POLR3G: variants seen among roughly 807,000 people sequenced by gnomAD.
POLR3G encodes RNA polymerase III subunit G.
POLR3G carries 28 observed loss-of-function variants against 30.1 expected under a neutral mutation model. The observed-to-expected ratio is 0.93, with a 90% CI of 0.69 to 1.27. POLR3G has a LOEUF of 1.27. Among genes scored for constraint, POLR3G ranks in the 50% most tolerant of loss-of-function variants. The probability of loss-of-function intolerance (pLI) is 0.00; values close to 1 mark genes in which losing one functional copy is unlikely to be tolerated. For synonymous variants in POLR3G, 79 were observed against 82.5 expected, an observed-to-expected ratio of 0.96 and a Z score of 0.23; for missense variants, 254 against 264.6, an observed-to-expected ratio of 0.96 and a Z score of 0.28.
chr5:90,484,587 A>T (rs1008898254), intron 1 of POLR3G, among the ~76,000 whole-genome samples: 121 of 152,318 alleles, frequency 7.9e-4, no homozygotes, highest in African/African-American at 2.9e-3. Context: ...TGAAGAGTAG[A>T]GCAGCTGTGT....
At chr5:90,492,448 G>T (rs984928009) in intron 3 of POLR3G, among the ~76,000 whole-genome samples, 7 of 152,178 alleles carry the variant, frequency 4.6e-5, no homozygotes, top group Admixed American at 4.6e-4. Flanking sequence ...AGACAACAAT[G>T]ATTGAAAGGA....
intron 5 of POLR3G, among the ~76,000 whole-genome samples, chr5:90,499,795 TTTTTA>T (rs1409574169): frequency 2.0e-5 from 3 of 152,204 alleles, no homozygotes; most frequent in African/African-American, 7.2e-5. Context: ...AGGCAGAGTA[TTTTTA>T]TTTTATTTTA....
At chr5:90,502,177 C>T in intron 6 of POLR3G, 189 bp downstream of exon 6, 1 of 985,324 alleles carries the variant, frequency 1.0e-6, no homozygotes, top group South Asian at 4.7e-5. Context: ...AGGGTCTGTC[C>T]TGTCCTTCGT....
intron 5 of POLR3G, among the ~76,000 whole-genome samples, chr5:90,497,984 C>T (rs1484185779): frequency 6.6e-6 from 1 of 152,086 alleles, no homozygotes; most frequent in African/African-American, 2.4e-5. Flanking sequence ...GTGGCATGCA[C>T]CTGTAGTCCC....
chr5:90,506,592 AAG>A lies in POLR3G; in HGVS notation c.507_508del (p.Ser171Ter). 6.2e-7 allele frequency: 1 copy of A among 1,613,824 alleles called. No homozygotes were observed. Among genetic ancestry groups the A allele is most frequent in the Non-Finnish European group, 8.5e-7 (1 of 1,179,862 alleles). Reference sequence around the variant, plus strand: ...GAAAATGAAGAGAAAGAAGGAAGCAAAGAGAAAAGTAAAGAAGGTGATGATGA... The same window carrying A: ...GAAAATGAAGAGAAAGAAGGAAGCAAAGAAAAGTAAAGAAGGTGATGATGA... On this transcript the variant is annotated frameshift_variant, in exon 7 of 8. Coordinates refer to ENST00000651687, the MANE Select transcript of POLR3G (RefSeq NM_006467.3). LOFTEE classifies it high-confidence loss of function.
At chr5:90,473,930 G>C (rs1580184921), upstream of POLR3G, 1 of 1,605,236 alleles carries the variant, frequency 6.2e-7, no homozygotes, top group South Asian at 1.1e-5. Flanking sequence ...CCTCGCTATC[G>C]GAAAGCCAGG....
chr5:90,512,010 C>A, intron 7 of POLR3G, 43 bp from the exon 8 acceptor site: 1 of 1,267,246 alleles, frequency 7.9e-7, no homozygotes. Flanking sequence ...TCTTACTACT[C>A]ATTCATTTTA....
rs2151918192 is a variant in POLR3G at position 90,513,459 on chromosome 5, T to C, written c.*1320T>C. On this transcript the variant is annotated 3_prime_UTR_variant, in exon 8 of 8. Transcript: ENST00000651687. Reference sequence around the variant, plus strand: ...TTCATTCTCTTGCCTTAAAGATCACTTCTTAACTTACATTTGGCTCTCACC... The same window carrying C: ...TTCATTCTCTTGCCTTAAAGATCACCTCTTAACTTACATTTGGCTCTCACC... 1 of 152,762 alleles carries C rather than the reference T, an allele frequency of 6.5e-6. No individual in the cohort carries two copies. The highest frequency in any genetic ancestry group is 2.1e-4 in the South Asian group (1 of 4,828). The allele number at this position is 152,762 out of a possible 1,614,324, so 9.5% of individuals were successfully genotyped here.
chr5:90,483,804 G>T (rs1020265695), intron 1 of POLR3G, among the ~76,000 whole-genome samples: 5 of 152,160 alleles, frequency 3.3e-5, no homozygotes, highest in Non-Finnish European at 5.9e-5. Context: ...GCAATGCCTT[G>T]TTACTGCTAT....
rs1303430192 is a variant in POLR3G, at chr5:90,501,987, A to G, written c.437A>G (p.Glu146Gly). ...ACTGAAGATGTGTTGAAAAAAATGG[A>G]GGTAAGGTTTTCTTCTTACTATACA... ...TNTEDVLKKM[E>G]ELEKRGDGEK... The change falls in exon 6 of 8, where the codon GAG becomes GGG. Residue 146 changes from glutamate (E) to glycine (G), a missense_variant and splice_region_variant. Transcript: ENST00000651687. The G allele has an allele frequency of 6.2e-7, 1 of 1,611,968 alleles. No individual in the cohort carries two copies. Among genetic ancestry groups the G allele is most frequent in the South Asian group, 1.1e-5 (1 of 90,804 alleles).
chr5:90,478,220 G>C (rs112985393), intron 1 of POLR3G, among the ~76,000 whole-genome samples: 2,635 of 152,218 alleles, frequency 0.017, 36 homozygotes, highest in Non-Finnish European at 0.027. Flanking sequence ...TCAGCTCTTG[G>C]ATGCTTAAAC....
chr5:90,495,802 T>C, intron 4 of POLR3G, 69 bp downstream of exon 4: 2 of 1,486,252 alleles, frequency 1.3e-6, no homozygotes, highest in Non-Finnish European at 1.8e-6. Flanking sequence ...GTTTTTTTTT[T>C]AGAATAAGTT....
rs926076997 is a variant in POLR3G, at chr5:90,492,355, C to T, written c.248-3322C>T. On this transcript the variant is annotated intron_variant, in intron 3 of 7. Transcript: ENST00000651687. ...GAACATCCTGTTTGCTAAAATGAGA[C>T]GATCATTTTTGTTCTATGATATTTG... Among the ~76,000 whole-genome samples the T allele has an allele frequency of 1.4e-4, 22 of 152,124 alleles. No homozygotes were observed. In the East Asian group the frequency reaches 2.7e-3, roughly 19 times the overall value.
intron 3 of POLR3G, among the ~76,000 whole-genome samples, chr5:90,491,542 T>C (rs1166555182): frequency 6.6e-6 from 1 of 152,160 alleles, no homozygotes; most frequent in Non-Finnish European, 1.5e-5. Flanking sequence ...TTTTTTTTTT[T>C]TGGAGCAGTT....
chr5:90,478,020 T>G (rs959856588), intron 1 of POLR3G, among the ~76,000 whole-genome samples: 5 of 152,216 alleles, frequency 3.3e-5, no homozygotes, highest in Non-Finnish European at 5.9e-5. Context: ...TGAATTGGCC[T>G]TTTGTTCCCT....
At chr5:90,500,227 C>T (rs1305617713) in intron 5 of POLR3G, among the ~76,000 whole-genome samples, 2 of 151,758 alleles carry the variant, frequency 1.3e-5, no homozygotes, top group Non-Finnish European at 2.9e-5. Flanking sequence ...TTAAGATGTC[C>T]TCCATTAATT....
At chr5:90,487,178 G>C (rs1751480659) in intron 2 of POLR3G, among the ~76,000 whole-genome samples, 1 of 151,842 alleles carries the variant, frequency 6.6e-6, no homozygotes, top group African/African-American at 2.4e-5. Flanking sequence ...GATAAATATT[G>C]GTAGCCCTTT....
upstream of POLR3G, chr5:90,474,510 G>A (rs1023969582): frequency 2.4e-5 from 13 of 548,292 alleles, no homozygotes; most frequent in Admixed American, 1.1e-4. Context: ...CCTTCCGCCA[G>A]GTCGGCAGCA....
chr5:90,510,868 TAA>T (rs35627067), intron 7 of POLR3G, among the ~76,000 whole-genome samples: 2,843 of 142,902 alleles, frequency 0.02, 42 homozygotes, highest in Middle Eastern at 0.046. Context: ...TATCCAGATT[TAA>T]AAAAAAAAAA....
Sources: gnomAD v4.1 joint callset for allele counts (sites outside exome capture counted in the v4.1 genomes callset) on GRCh38, gnomAD v4.1.1 for gene constraint, MANE v1.5 for transcripts, NCBI Gene and HGNC (gene_info 2026-07-23, HGNC 2026-07-21) for gene names.